The following TCF12 variants were observed in gnomAD, a reference collection of about 807,000 sequenced individuals.
The protein encoded by TCF12 is transcription factor 12, also known as DNA-binding protein HTF4.
TCF12 carries 45 observed loss-of-function variants against 86.0 expected under a neutral mutation model. The ratio of observed to expected loss-of-function variants is 0.52; its 90% CI spans 0.41 to 0.67. The LOEUF (loss-of-function observed/expected upper bound fraction) is 0.67. TCF12 is among the 30% of genes least tolerant of loss of function. The pLI, the probability that TCF12 is intolerant of heterozygous loss-of-function variation, is 0.00. For missense variants in TCF12, 881 were observed against 859.9 expected, an observed-to-expected ratio of 1.02 and a Z score of -0.31; for synonymous variants, 330 against 299.6, an observed-to-expected ratio of 1.10 and a Z score of -1.05.
chr15:56,928,105 A>G (rs74018429), intron 3 of TCF12, among the ~76,000 whole-genome samples: 5,129 of 152,268 alleles, frequency 0.034, 328 homozygotes, highest in East Asian at 0.29. Context: ...GGAGCCAGAC[A>G]ACTGGATTGG....
chr15:57,246,108 T>A (rs1379524802), intron 13 of TCF12, among the ~76,000 whole-genome samples: 1 of 152,206 alleles, frequency 6.6e-6, no homozygotes, highest in Non-Finnish European at 1.5e-5. Flanking sequence ...AATGGCCTGT[T>A]ATCTAGAGTA....
intron 4 of TCF12, among the ~76,000 whole-genome samples, chr15:57,073,178 G>GC (rs1465738727): frequency 2.0e-5 from 3 of 151,984 alleles, no homozygotes. Flanking sequence ...AACTTTCTAG[G>GC]CCCATGAAAT....
At chr15:57,032,349 G>T (rs1452553928) in intron 3 of TCF12, among the ~76,000 whole-genome samples, 3 of 152,188 alleles carry the variant, frequency 2.0e-5, no homozygotes, top group Non-Finnish European at 4.4e-5. Context: ...CTTGCAGACT[G>T]ACCTTAAACA....
At chr15:57,170,681 T>TATTATATAAAA (rs1567558007) in intron 6 of TCF12, among the ~76,000 whole-genome samples, 1 of 1,760 alleles carries the variant, frequency 5.7e-4, no homozygotes, top group African/African-American at 1.3e-3. Context: ...ATATAATATA[T>TATTATATAAAA]TATATATAAT....
Position 57,081,999 on chromosome 15 carries a change from A to G in TCF12, c.223-9790A>G, listed in dbSNP as rs2585094. Among the ~76,000 whole-genome samples the G allele has an allele frequency of 1.8e-3, 272 of 152,338 alleles. 2 individuals carry two copies. Among genetic ancestry groups the G allele is most frequent in the Middle Eastern group, 6.8e-3 (2 of 294 alleles). Reference sequence around the variant, plus strand: ...CTTATCTACTTTCACCTTCAAGGAAATGAATCTAGGCCAGGGATTTAGCAC... The same window carrying G: ...CTTATCTACTTTCACCTTCAAGGAAGTGAATCTAGGCCAGGGATTTAGCAC... On this transcript the variant is annotated intron_variant, in intron 4 of 20. Transcript: ENST00000333725.
At chr15:57,098,764 A>G (rs2049516103) in intron 5 of TCF12, among the ~76,000 whole-genome samples, 1 of 152,248 alleles carries the variant, frequency 6.6e-6, no homozygotes, top group Non-Finnish European at 1.5e-5. Flanking sequence ...ACCGGGTGAA[A>G]CAAAAAGTGG....
At chr15:57,090,544 T>G (rs2048928912) in intron 4 of TCF12, among the ~76,000 whole-genome samples, 1 of 152,220 alleles carries the variant, frequency 6.6e-6, no homozygotes, top group Admixed American at 6.5e-5. Flanking sequence ...TTGTAATGAT[T>G]TGACAGTTAT....
At chr15:56,928,170 A>T (rs1312964550) in intron 3 of TCF12, among the ~76,000 whole-genome samples, 7 of 152,210 alleles carry the variant, frequency 4.6e-5, no homozygotes, top group African/African-American at 1.7e-4. Flanking sequence ...TATTTAAATA[A>T]TCAGAGCTAT....
intron 3 of TCF12, among the ~76,000 whole-genome samples, chr15:56,925,228 AT>A (rs1285054120): frequency 3.4e-5 from 5 of 147,398 alleles, no homozygotes; most frequent in Non-Finnish European, 7.5e-5. Context: ...CCACAAACAA[AT>A]GGTGTCCACC....
intron 12 of TCF12, among the ~76,000 whole-genome samples, chr15:57,242,762 A>G (rs1325024009): frequency 1.3e-5 from 2 of 152,246 alleles, no homozygotes. Context: ...GTATTGCAAT[A>G]AAAGTTTGAG....
chr15:57,086,212 G>GATGATAATAATAATA lies in TCF12; in HGVS notation c.223-5575_223-5574insGATAATAATAATAAT, dbSNP rs1555501430. ...CATAATCTCTAACTTGGATGATGAT[G>GATGATAATAATAATA]ATAATAATAATAATAATAATAATAA... On this transcript the variant is annotated intron_variant, in intron 4 of 20. Transcript: ENST00000333725. Among the ~76,000 whole-genome samples the GATGATAATAATAATA allele has an allele frequency of 1.7e-3, 243 of 141,612 alleles. 2 individuals carry two copies. The highest frequency in any genetic ancestry group is 7.3e-3 in the Middle Eastern group (2 of 274). 92.9% of individuals were successfully genotyped at this position (141,612 alleles called of 152,430 possible).
chr15:56,925,823 GT>G (rs113285072), intron 3 of TCF12, among the ~76,000 whole-genome samples: 8,456 of 151,946 alleles, frequency 0.056, 548 homozygotes, highest in African/African-American at 0.16. Context: ...AATCTAAATT[GT>G]TTGTGTTTAG....
rs557610511 is a variant in TCF12 at position 56,995,231 on chromosome 15, C to CTTTTTTTTTTTTTTTTTTTTTTTTTTTTT, written c.149-68491_149-68490insTTTTTTTTTTTTTTTTTTTTTTTTTTTTT. On this transcript the variant is annotated intron_variant, in intron 3 of 20. Coordinates refer to ENST00000333725, the MANE Select transcript of TCF12 (RefSeq NM_207037.2). ...AAGTCAGGTAATGTGATACCTGCAG[C>CTTTTTTTTTTTTTTTTTTTTTTTTTTTTT]TTTTTTTTTTTTTTTTTTTTTTTTT... Among the ~76,000 whole-genome samples, 11 of 30,304 alleles carry CTTTTTTTTTTTTTTTTTTTTTTTTTTTTT rather than the reference C, an allele frequency of 3.6e-4. 4 individuals carry two copies. Among genetic ancestry groups the CTTTTTTTTTTTTTTTTTTTTTTTTTTTTT allele is most frequent in the Non-Finnish European group, 6.8e-4 (11 of 16,184 alleles). The allele number at this position is 30,304 out of a possible 152,430, so 19.9% of individuals were successfully genotyped here. A position where few individuals can be genotyped will look rare whatever the true frequency, so the allele number is the denominator to read the frequency against.
intron 3 of TCF12, among the ~76,000 whole-genome samples, chr15:57,053,600 A>G (rs780768793): frequency 6.7e-6 from 1 of 148,798 alleles, no homozygotes; most frequent in African/African-American, 2.5e-5. Flanking sequence ...AGGTAAATAT[A>G]ACCTGTAGCC....
chr15:57,030,283 G>T (rs2066085126), intron 3 of TCF12, among the ~76,000 whole-genome samples: 1 of 152,118 alleles, frequency 6.6e-6, no homozygotes, highest in South Asian at 2.1e-4. Flanking sequence ...CTGTCACTGA[G>T]GCAGGAGTGC....
At chr15:57,064,592 C>T (rs1438808306) in intron 4 of TCF12, among the ~76,000 whole-genome samples, 5 of 151,774 alleles carry the variant, frequency 3.3e-5, no homozygotes, top group South Asian at 2.1e-4. Flanking sequence ...GTCAGAAGTT[C>T]GAGTCCAGCC....
chr15:57,030,423 A>T (rs897265059), intron 3 of TCF12, among the ~76,000 whole-genome samples: 1 of 151,934 alleles, frequency 6.6e-6, no homozygotes, highest in Non-Finnish European at 1.5e-5. Context: ...AACTTTATTT[A>T]TTTTTTTGTA....
chr15:56,953,452 A>G (rs1267146469), intron 3 of TCF12, among the ~76,000 whole-genome samples: 7 of 151,918 alleles, frequency 4.6e-5, no homozygotes, highest in African/African-American at 7.2e-5. Flanking sequence ...TATAGTTGGT[A>G]TGTTTCTTTT....
rs191619026 is a variant in TCF12, at chr15:56,956,353, T to C, written c.148+35255T>C. ...TTTTTATTCTGTTTTGTCATCTTTA[T>C]TGCCTTATTAGATATAACTTGTTAT... is the stretch of plus-strand genomic sequence containing the variant. On this transcript the variant is annotated intron_variant, in intron 3 of 20. Transcript: ENST00000333725. 1.4e-4 allele frequency among the ~76,000 whole-genome samples: 21 copies of C among 152,130 alleles called. 1 individual carries two copies. The East Asian group carries it at 4.0e-3, about 29-fold the overall frequency.
Sources: allele counts gnomAD v4.1 joint callset (sites outside exome capture counted in the v4.1 genomes callset), GRCh38; gene constraint gnomAD v4.1.1; transcripts MANE v1.5; gene names NCBI Gene and HGNC (gene_info 2026-07-23, HGNC 2026-07-21).